The following IGSF11 variants were observed in gnomAD, a reference collection of about 807,000 sequenced individuals.
The protein encoded by IGSF11 is CXADR like 1.
Under a neutral mutation model 41.0 loss-of-function variants are expected in IGSF11, and 22 were observed. The ratio of observed to expected loss-of-function variants is 0.54; its 90% CI spans 0.38 to 0.77. The LOEUF is 0.77. Ranked by LOEUF, IGSF11 falls within the 30% of genes least tolerant of loss-of-function variation. The probability of loss-of-function intolerance (pLI) is 0.00; values close to 1 mark genes in which losing one functional copy is unlikely to be tolerated. For missense variants in IGSF11, 444 were observed against 530.8 expected (o/e 0.84, Z 1.61); for synonymous variants, 219 against 201.3 (o/e 1.09, Z -0.74).
At chr3:119,006,462 C>T (rs1213943220) in intron 1 of IGSF11, among the ~76,000 whole-genome samples, 1 of 126,322 alleles carries the variant, frequency 7.9e-6, no homozygotes, top group Non-Finnish European at 1.6e-5. Flanking sequence ...CTTCTCTCAG[C>T]TCGTCAAAAT....
chr3:119,142,627 A>T (rs1227198350), intron 1 of IGSF11, among the ~76,000 whole-genome samples: 2 of 152,128 alleles, frequency 1.3e-5, no homozygotes, highest in Non-Finnish European at 2.9e-5. Flanking sequence ...TGTACCACTT[A>T]TGCATGGTGG....
chr3:118,904,693 C>T lies in IGSF11; in HGVS notation c.809G>A (p.Ser270Asn). The T allele has an allele frequency of 6.2e-7, 1 of 1,612,044 alleles. No homozygotes were observed. The highest frequency in any genetic ancestry group is 1.1e-5 in the South Asian group (1 of 90,706). Residue 270 changes from serine to asparagine, a missense_variant, in exon 6 of 7, where the codon AGC becomes AAC. Coordinates refer to ENST00000393775, the MANE Select transcript of IGSF11 (RefSeq NM_001015887.3). ...LILGAFFYWR[S>N]KNKEEEEEEI... ...TTCTTCTTCCTCCTCTTTATTTTTG[C>T]TTCTCCAGTAAAAGAATGCCCCTAA...
chr3:119,051,835 C>T (rs1185426844), intron 1 of IGSF11, among the ~76,000 whole-genome samples: 1 of 152,124 alleles, frequency 6.6e-6, no homozygotes, highest in Non-Finnish European at 1.5e-5. Flanking sequence ...ACCCTGAAAA[C>T]TATACAGATA....
At chr3:118,979,101 T>C (rs777731178) in intron 1 of IGSF11, among the ~76,000 whole-genome samples, 2 of 152,066 alleles carry the variant, frequency 1.3e-5, no homozygotes, top group African/African-American at 2.4e-5. Flanking sequence ...ATAAAAAAGA[T>C]ATAAATAGAA....
chr3:118,960,828 A>G (rs1945291281), intron 1 of IGSF11, among the ~76,000 whole-genome samples: 1 of 152,206 alleles, frequency 6.6e-6, no homozygotes, highest in Non-Finnish European at 1.5e-5. Flanking sequence ...TCAACTGTAT[A>G]AAGAAAATGC....
chr3:118,967,353 C>T (rs1221422151), intron 1 of IGSF11, among the ~76,000 whole-genome samples: 1 of 152,140 alleles, frequency 6.6e-6, no homozygotes, highest in Non-Finnish European at 1.5e-5. Flanking sequence ...TCTTTACATT[C>T]TCTATTACGA....
chr3:118,958,845 T>C (rs534555979), intron 1 of IGSF11, among the ~76,000 whole-genome samples: 7 of 152,312 alleles, frequency 4.6e-5, no homozygotes, highest in Middle Eastern at 3.4e-3. Context: ...AGAACAGCTA[T>C]TTATTAAGGG....
intron 1 of IGSF11, among the ~76,000 whole-genome samples, chr3:119,077,031 A>G (rs2076511301): frequency 6.6e-6 from 1 of 152,258 alleles, no homozygotes; most frequent in African/African-American, 2.4e-5. Flanking sequence ...AATGTCCACA[A>G]TGATAGACTG....
At chr3:119,034,054 T>A (rs573069473) in intron 1 of IGSF11, among the ~76,000 whole-genome samples, 7 of 152,344 alleles carry the variant, frequency 4.6e-5, no homozygotes, top group Admixed American at 6.5e-5. Flanking sequence ...AGTTTTAAAA[T>A]AAAGATCATT....
At chr3:119,027,112 T>G (rs1939900747) in intron 1 of IGSF11, among the ~76,000 whole-genome samples, 1 of 152,150 alleles carries the variant, frequency 6.6e-6, no homozygotes, top group African/African-American at 2.4e-5. Flanking sequence ...GTAAGATCTG[T>G]GTAACAAAGA....
At chr3:119,060,562 T>G (rs1242658090) in intron 1 of IGSF11, among the ~76,000 whole-genome samples, 1 of 152,172 alleles carries the variant, frequency 6.6e-6, no homozygotes, top group Non-Finnish European at 1.5e-5. Flanking sequence ...CTTATTTAAA[T>G]CCTCACAACA....
upstream of IGSF11, among the ~76,000 whole-genome samples, chr3:119,109,896 G>A (rs569010064): frequency 6.6e-5 from 10 of 152,178 alleles, no homozygotes; most frequent in South Asian, 4.2e-4. Flanking sequence ...GTAGTTGAGC[G>A]GTTTTGAGTG....
At chr3:118,971,621 G>A (rs777758681) in intron 1 of IGSF11, among the ~76,000 whole-genome samples, 11 of 152,028 alleles carry the variant, frequency 7.2e-5, no homozygotes, top group Non-Finnish European at 1.5e-4. Flanking sequence ...TGACCAAGAT[G>A]GTGAAACCCC....
At chr3:119,047,359 A>G (rs1314043162) in intron 1 of IGSF11, among the ~76,000 whole-genome samples, 2 of 152,218 alleles carry the variant, frequency 1.3e-5, no homozygotes, top group Non-Finnish European at 2.9e-5. Flanking sequence ...ACTCTCTGAT[A>G]AAACAGACTT....
At chr3:118,966,516 C>T (rs1022260215) in intron 1 of IGSF11, among the ~76,000 whole-genome samples, 1 of 152,088 alleles carries the variant, frequency 6.6e-6, no homozygotes, top group Non-Finnish European at 1.5e-5. Context: ...AGACATCTAG[C>T]CTTTCTGATT....
intron 1 of IGSF11, among the ~76,000 whole-genome samples, chr3:118,973,337 T>C (rs770231260): frequency 6.6e-5 from 10 of 152,212 alleles, no homozygotes; most frequent in Non-Finnish European, 1.2e-4. Context: ...GCTGAATCCA[T>C]TCAATGCATC....
At chr3:118,979,453 A>C (rs1195649770) in intron 1 of IGSF11, among the ~76,000 whole-genome samples, 2 of 152,212 alleles carry the variant, frequency 1.3e-5, no homozygotes, top group Non-Finnish European at 2.9e-5. Context: ...TCGTTAATAC[A>C]TGGTGCTGGA....
chr3:119,056,065 G>A (rs1309359384), intron 1 of IGSF11, among the ~76,000 whole-genome samples: 1 of 152,098 alleles, frequency 6.6e-6, no homozygotes, highest in Non-Finnish European at 1.5e-5. Context: ...AAAAGAACTA[G>A]AGAAGCAAGA....
chr3:119,018,729 G>C, intron 1 of IGSF11, among the ~76,000 whole-genome samples: 1 of 152,198 alleles, frequency 6.6e-6, no homozygotes, highest in Non-Finnish European at 1.5e-5. Context: ...GCACATGGTG[G>C]TTACCCAATA....
Sources: allele counts gnomAD v4.1 joint callset (sites outside exome capture counted in the v4.1 genomes callset), GRCh38; gene constraint gnomAD v4.1.1; transcripts MANE v1.5; gene names NCBI Gene and HGNC (gene_info 2026-07-23, HGNC 2026-07-21).